Variants in NUP210L observed in about 807,000 individuals in gnomAD.
The protein encoded by NUP210L is nuclear pore membrane glycoprotein 210-like.
Under a neutral mutation model 208.5 loss-of-function variants are expected in NUP210L, and 74 were observed. The ratio of observed to expected loss-of-function variants is 0.35; its 90% CI spans 0.29 to 0.43. The LOEUF (loss-of-function observed/expected upper bound fraction) is 0.43, where lower values mean the gene tolerates loss of function less well. Among genes scored for constraint, NUP210L ranks in the 20% least tolerant of loss-of-function variants. NUP210L has a pLI of 1.00. For synonymous variants in NUP210L, 780 were observed against 816.9 expected (o/e 0.95, Z 0.77); for missense variants, 1,843 against 2,289.4 (o/e 0.81, Z 3.98).
At chr1:154,004,348 C>T (rs950155474) in intron 35 of NUP210L, among the ~76,000 whole-genome samples, 9 of 151,410 alleles carry the variant, frequency 5.9e-5, no homozygotes, top group African/African-American at 2.2e-4. Flanking sequence ...GGATTACAGG[C>T]GTGAGCCACT....
rs554329233 is a variant in NUP210L, at chr1:154,063,913, T to C, written c.2555-2239A>G. ...TCCGGGATGAGCATTTGGGTAGATG[T>C]AGAACCATTCAATGGAATAGGGAGC... On this transcript the variant is annotated intron_variant, in intron 17 of 39. Coordinates refer to ENST00000368559, the Ensembl canonical transcript of NUP210L. Among the ~76,000 whole-genome samples, 50 of 151,264 alleles carry C rather than the reference T, an allele frequency of 3.3e-4. 1 individual carries two copies. Among genetic ancestry groups the C allele is most frequent in the African/African-American group, 1.2e-3 (49 of 41,348 alleles).
At chr1:154,095,070 C>T in exon 15 of NUP210L, 1 of 1,614,098 alleles carries the variant, frequency 6.2e-7, no homozygotes, top group Non-Finnish European at 8.5e-7. Context: ...GGGAGGGCTC[C>T]AAGATCCATG....
intron 30 of NUP210L, 81 bp from the exon 31 acceptor site, chr1:154,023,378 T>G: frequency 9.4e-7 from 1 of 1,067,446 alleles, no homozygotes; most frequent in Non-Finnish European, 1.3e-6. Flanking sequence ...TTATAATCAA[T>G]GATAAAGAGT....
chr1:154,028,314 C>T (rs1276470073), intron 28 of NUP210L, among the ~76,000 whole-genome samples: 3 of 152,248 alleles, frequency 2.0e-5, no homozygotes, highest in Middle Eastern at 6.8e-3. Flanking sequence ...CGGCTGGACG[C>T]GGTGGCTCAT....
At chr1:154,107,735 C>T (rs968607433) in intron 12 of NUP210L, among the ~76,000 whole-genome samples, 12 of 151,064 alleles carry the variant, frequency 7.9e-5, no homozygotes, top group Non-Finnish European at 5.9e-5. Flanking sequence ...GGCATGGTGG[C>T]GCATGCTATA....
chr1:154,011,965 C>T (rs1650952132), intron 34 of NUP210L, among the ~76,000 whole-genome samples: 1 of 149,566 alleles, frequency 6.7e-6, no homozygotes, highest in Non-Finnish European at 1.5e-5. Flanking sequence ...CTGCCTTGGC[C>T]TCCCAAAGTG....
rs12403140 is a variant in NUP210L, at chr1:154,097,085, T to A, written c.1966-1929A>T. The stretch of plus-strand genomic sequence containing the variant: ...TGAGACTCTGTCTCAAAAAAAAAAA[T>A]TTTTTTTGACAGAAGAAATGAATGG... On this transcript the variant is annotated intron_variant, in intron 14 of 39. Coordinates refer to ENST00000368559, the Ensembl canonical transcript of NUP210L. Among the ~76,000 whole-genome samples the A allele has an allele frequency of 6.4e-4, 96 of 149,806 alleles. 2 individuals carry two copies. In the South Asian group the frequency reaches 9.4e-3, roughly 15 times the overall value.
At chr1:154,061,665 A>G (rs771899397) in exon 18 of NUP210L, 9 of 1,597,166 alleles carry the variant, frequency 5.6e-6, no homozygotes, top group Non-Finnish European at 6.9e-6. Context: ...TACTTTAAGG[A>G]TCTGATGACC....
exon 6 of NUP210L, chr1:154,138,175 C>T (rs373951316): frequency 1.6e-5 from 24 of 1,541,578 alleles, no homozygotes; most frequent in Non-Finnish European, 2.1e-5. Context: ...AGATAAATAT[C>T]ATGGGATGGT....
intron 16 of NUP210L, among the ~76,000 whole-genome samples, chr1:154,083,190 T>A (rs1267966695): frequency 6.6e-6 from 1 of 152,214 alleles, no homozygotes; most frequent in Non-Finnish European, 1.5e-5. Flanking sequence ...CACATCCTGC[T>A]GATTGGTCCA....
chr1:154,122,512 C>G (rs1286915224), intron 10 of NUP210L, among the ~76,000 whole-genome samples: 1 of 151,944 alleles, frequency 6.6e-6, no homozygotes, highest in Non-Finnish European at 1.5e-5. Flanking sequence ...AAAAATTAGC[C>G]GGGCATGGTG....
chr1:154,012,336 C>CT lies in NUP210L; in HGVS notation c.4687dup (p.Ser1563LysfsTer3). ...GGTGAGATAAGTCTTGAGGTCATAA[C>CT]TGAGCATTAATCTTGATGATGCATT... is the stretch of plus-strand genomic sequence containing the variant. On this transcript the variant is annotated frameshift_variant, in exon 34 of 40. Transcript: ENST00000368559. LOFTEE classifies it high-confidence loss of function. 6.2e-7 allele frequency: 1 copy of CT among 1,613,788 alleles called. No homozygotes were observed. Among genetic ancestry groups the CT allele is most frequent in the Non-Finnish European group, 8.5e-7 (1 of 1,179,890 alleles).
intron 30 of NUP210L, among the ~76,000 whole-genome samples, chr1:154,025,077 C>T (rs1421539270): frequency 2.0e-5 from 3 of 151,596 alleles, no homozygotes; most frequent in Non-Finnish European, 2.9e-5. Flanking sequence ...TACAGGCGCC[C>T]GCCACCTCGC....
At chr1:154,139,930 C>G (rs1658750329) in exon 5 of NUP210L, 2 of 1,610,450 alleles carry the variant, frequency 1.2e-6, no homozygotes, top group Admixed American at 3.3e-5. Context: ...GGAGCATATT[C>G]TGCTTCGGAG....
Position 154,131,568 on chromosome 1 carries a change from TA to T in NUP210L, c.1010-2224del, listed in dbSNP as rs565674721. On this transcript the variant is annotated intron_variant, in intron 7 of 39. Coordinates refer to ENST00000368559, the Ensembl canonical transcript of NUP210L. ...AGAAATGTTCAAGTTTTTCCAATCT[TA>T]AAAAAAAAAAGTATTCGTTGTGTCT... Among the ~76,000 whole-genome samples, 261 of 146,316 alleles carry T rather than the reference TA, an allele frequency of 1.8e-3. 2 individuals are homozygous for T. Among genetic ancestry groups the T allele is most frequent in the African/African-American group, 4.4e-3 (178 of 40,226 alleles).
intron 25 of NUP210L, among the ~76,000 whole-genome samples, chr1:154,051,117 A>C (rs1290229506): frequency 6.6e-6 from 1 of 152,234 alleles, no homozygotes; most frequent in Non-Finnish European, 1.5e-5. Context: ...CATCACTCAC[A>C]TTAGGGCTCA....
chr1:154,087,139 G>A (rs1488593579), intron 16 of NUP210L, among the ~76,000 whole-genome samples: 2 of 152,044 alleles, frequency 1.3e-5, no homozygotes, highest in African/African-American at 2.4e-5. Flanking sequence ...GGCCAACATG[G>A]TGAAACCCCG....
intron 12 of NUP210L, among the ~76,000 whole-genome samples, chr1:154,113,656 A>C (rs548103185): frequency 6.6e-6 from 1 of 151,460 alleles, no homozygotes; most frequent in Non-Finnish European, 1.5e-5. Context: ...TCAGGAATTC[A>C]ACACCAGCCT....
At chr1:154,109,986 C>T (rs1031490208) in intron 12 of NUP210L, among the ~76,000 whole-genome samples, 1 of 151,248 alleles carries the variant, frequency 6.6e-6, no homozygotes. Flanking sequence ...GTAATCCCTG[C>T]ACTTTGGGAG....
Sources: allele counts gnomAD v4.1 joint callset (sites outside exome capture counted in the v4.1 genomes callset), GRCh38; gene constraint gnomAD v4.1.1; transcripts MANE v1.5; gene names NCBI Gene and HGNC (gene_info 2026-07-23, HGNC 2026-07-21).